MAP2: variants seen among roughly 807,000 people sequenced by gnomAD.
The protein encoded by MAP2 is microtubule associated protein 2.
A neutral mutation model predicts 137.6 loss-of-function variants in MAP2; 14 were observed. That is an observed-to-expected ratio of 0.10 (90% confidence interval 0.07 to 0.16). The LOEUF is 0.16. Ranked by LOEUF, MAP2 falls within the 10% of genes least tolerant of loss-of-function variation. The pLI, the probability that MAP2 is intolerant of heterozygous loss-of-function variation, is 1.00. For synonymous variants in MAP2, 786 were observed against 782.3 expected, an observed-to-expected ratio of 1.00 and a Z score of -0.08; for missense variants, 2,088 against 2,191.5, an observed-to-expected ratio of 0.95 and a Z score of 0.94.
chr2:209,605,444 A>G (rs1217530931), intron 3 of MAP2, among the ~76,000 whole-genome samples: 1 of 152,164 alleles, frequency 6.6e-6, no homozygotes, highest in Non-Finnish European at 1.5e-5. Context: ...ATAAAGTTAG[A>G]TCTTATAAAA....
At chr2:209,613,254 T>A (rs1479141604) in intron 3 of MAP2, among the ~76,000 whole-genome samples, 2 of 80,486 alleles carry the variant, frequency 2.5e-5, no homozygotes, top group Non-Finnish European at 3.9e-5. Flanking sequence ...TTTCTATTTT[T>A]ATTTATTTAT....
chr2:209,595,633 A>G (rs892294159), intron 3 of MAP2, among the ~76,000 whole-genome samples: 1 of 152,238 alleles, frequency 6.6e-6, no homozygotes, highest in Non-Finnish European at 1.5e-5. Context: ...ATTATAAATC[A>G]TGCTACTATA....
At chr2:209,722,999 G>A (rs889607936) in intron 13 of MAP2, among the ~76,000 whole-genome samples, 3 of 152,150 alleles carry the variant, frequency 2.0e-5, no homozygotes, top group Admixed American at 6.5e-5. Flanking sequence ...CACCTGCAAG[G>A]GAATTGTGAA....
intron 3 of MAP2, among the ~76,000 whole-genome samples, chr2:209,591,277 A>G (rs1003791122): frequency 2.6e-5 from 4 of 152,130 alleles, no homozygotes; most frequent in Non-Finnish European, 4.4e-5. Flanking sequence ...TTGGATTGTC[A>G]CCACTGGAGC....
In MAP2 at chr2:209,493,411, A is replaced by G. The variant is rs181627152; in HGVS notation, c.-221-14181A>G. ...TAAAACACCAAAAGCAATGGCAACAAAAGCCAAAATTGACAAATGACAAAT... is the reference window on the plus strand; with the variant it reads ...TAAAACACCAAAAGCAATGGCAACAGAAGCCAAAATTGACAAATGACAAAT... On this transcript the variant is annotated intron_variant, in intron 1 of 15. Transcript: ENST00000682079. Among the ~76,000 whole-genome samples the G allele has an allele frequency of 5.6e-3, 853 of 152,362 alleles. 4 individuals carry two copies. The highest frequency in any genetic ancestry group is 9.7e-3 in the Non-Finnish European group (661 of 68,032).
intron 3 of MAP2, among the ~76,000 whole-genome samples, chr2:209,588,538 A>G (rs1013408341): frequency 4.6e-5 from 7 of 152,204 alleles, no homozygotes; most frequent in Non-Finnish European, 1.0e-4. Context: ...TAGGAACTTA[A>G]GAAATGATGT....
At chr2:209,534,200 G>T (rs1471127997) in intron 2 of MAP2, among the ~76,000 whole-genome samples, 1 of 152,206 alleles carries the variant, frequency 6.6e-6, no homozygotes, top group Non-Finnish European at 1.5e-5. Flanking sequence ...TTGAGTATGT[G>T]TCCAGCACTG....
chr2:209,680,919 G>C lies in MAP2; in HGVS notation c.454+92G>C, dbSNP rs901839895. On this transcript the variant is annotated intron_variant, in intron 7 of 15. Transcript: ENST00000682079. ...AAGCTCTGGACTTTGGTATTGGTTA[G>C]TATGTGACCAAGCTTTGGAGCTATC... 31 of 898,424 alleles carry C rather than the reference G, an allele frequency of 3.5e-5. No individual in the cohort carries two copies. In the African/African-American group the frequency reaches 4.9e-4, roughly 14 times the overall value. 55.7% of individuals were successfully genotyped at this position (898,424 alleles called of 1,614,324 possible). A position where few individuals can be genotyped will look rare whatever the true frequency, so the allele number is the denominator to read the frequency against.
At chr2:209,625,357 G>A (rs539479008) in intron 4 of MAP2, among the ~76,000 whole-genome samples, 23 of 152,268 alleles carry the variant, frequency 1.5e-4, no homozygotes, top group South Asian at 6.2e-4. Context: ...AAAATGACAA[G>A]CTCTTTCTCT....
chr2:209,527,958 C>T (rs1399993896), intron 2 of MAP2, among the ~76,000 whole-genome samples: 5 of 152,136 alleles, frequency 3.3e-5, no homozygotes, highest in Non-Finnish European at 5.9e-5. Flanking sequence ...CATATTTCTT[C>T]AGGAGATCCA....
chr2:209,499,111 A>C (rs2198477), intron 1 of MAP2, among the ~76,000 whole-genome samples: 125,151 of 152,102 alleles, frequency 0.82, 52,610 homozygotes, highest in Non-Finnish European at 0.93. Context: ...TTAATCTTTT[A>C]TTTGCTCCTG....
At position 209,695,575 on chromosome 2, in the gene MAP2, T is replaced by G. The variant is rs1286369748; in HGVS notation, c.3405T>G (p.Gly1135=). The change falls in exon 8 of 16, where the codon GGT becomes GGG. Residue 1135 remains glycine (G), a synonymous_variant. Transcript: ENST00000682079. ...VDKEESYESS[G]EHESLTMESL... Reference sequence around the variant, plus strand: ...AGGAGGAGTCCTATGAATCTAGTGGTGAGCATGAAAGTCTCACCATGGAGT... The same window carrying G: ...AGGAGGAGTCCTATGAATCTAGTGGGGAGCATGAAAGTCTCACCATGGAGT... 1 of 1,613,898 alleles carries G rather than the reference T, an allele frequency of 6.2e-7. No homozygotes were observed. The highest frequency in any genetic ancestry group is 1.7e-5 in the Admixed American group (1 of 60,000).
chr2:209,560,800 CATACT>C (rs928726452), intron 2 of MAP2, among the ~76,000 whole-genome samples: 43 of 152,250 alleles, frequency 2.8e-4, no homozygotes, highest in Admixed American at 2.5e-3. Context: ...ATTTTTAATA[CATACT>C]ATAAATATGA....
At chr2:209,453,860 A>G (rs1480540951) in intron 1 of MAP2, among the ~76,000 whole-genome samples, 1 of 152,112 alleles carries the variant, frequency 6.6e-6, no homozygotes, top group Non-Finnish European at 1.5e-5. Context: ...ACTAAAAAAA[A>G]TAGAGGACAG....
chr2:209,656,785 T>C (rs1409706382), intron 5 of MAP2, among the ~76,000 whole-genome samples: 2 of 152,170 alleles, frequency 1.3e-5, no homozygotes, highest in Admixed American at 1.3e-4. Flanking sequence ...TTAATTTTTA[T>C]TTTCATGGAT....
chr2:209,638,093 G>A (rs116620383), intron 4 of MAP2, among the ~76,000 whole-genome samples: 32 of 151,924 alleles, frequency 2.1e-4, no homozygotes, highest in African/African-American at 7.5e-4. Flanking sequence ...ATTTTTTAAC[G>A]TCTCATAAAT....
chr2:209,505,341 A>T (rs983249231), intron 1 of MAP2, among the ~76,000 whole-genome samples: 2 of 152,294 alleles, frequency 1.3e-5, no homozygotes, highest in African/African-American at 4.8e-5. Flanking sequence ...TTTTTATTTT[A>T]TGCTTAGAAA....
intron 2 of MAP2, among the ~76,000 whole-genome samples, chr2:209,556,571 T>A (rs2070714890): frequency 6.6e-6 from 1 of 150,564 alleles, no homozygotes; most frequent in Non-Finnish European, 1.5e-5. Context: ...TAGAGAGAAA[T>A]GTGAGGCCTA....
At chr2:209,530,171 A>G (rs1438192473) in intron 2 of MAP2, among the ~76,000 whole-genome samples, 2 of 151,964 alleles carry the variant, frequency 1.3e-5, no homozygotes, top group Admixed American at 1.3e-4. Context: ...CTGTCTTATC[A>G]CATATGCATC....
Sources: gnomAD v4.1 joint callset for allele counts (sites outside exome capture counted in the v4.1 genomes callset) on GRCh38, gnomAD v4.1.1 for gene constraint, MANE v1.5 for transcripts, NCBI Gene and HGNC (gene_info 2026-07-23, HGNC 2026-07-21) for gene names.